The following LETMD1 variants were observed in gnomAD, a reference collection of about 807,000 sequenced individuals.
LETMD1 encodes the protein LETM1 domain-containing protein 1.
In LETMD1, 30 loss-of-function variants were observed where a neutral mutation model predicts 43.9. The ratio of observed to expected loss-of-function variants is 0.68; its 90% CI spans 0.51 to 0.93. The LOEUF (loss-of-function observed/expected upper bound fraction) is 0.93, where lower values mean the gene tolerates loss of function less well. LETMD1 is among the 40% of genes least tolerant of loss of function. The pLI, the probability that LETMD1 is intolerant of heterozygous loss-of-function variation, is 0.00. For missense variants in LETMD1, 413 were observed against 447.7 expected (o/e 0.92, Z 0.70); for synonymous variants, 176 against 163.1 (o/e 1.08, Z -0.60).
In LETMD1 at chr12:51,059,362, A is replaced by G; in HGVS notation, c.1014A>G (p.Glu338=). The part of the protein sequence containing the change: ...EWLQISCSLK[E]AELSLLLHNV... ...AAACCACTAACACTGTGTTTTCAGA[A>G]GCTGAGCTGTCTCTCTTGCTGCACA... The change falls in exon 9 of 9, where the codon GAA becomes GAG. Residue 338 remains glutamate, a splice_region_variant and synonymous_variant. Coordinates refer to ENST00000262055, the MANE Select transcript of LETMD1 (RefSeq NM_015416.5). 6.2e-7 allele frequency: 1 copy of G among 1,614,110 alleles called. No individual in the cohort carries two copies. The highest frequency in any genetic ancestry group is 8.5e-7 in the Non-Finnish European group (1 of 1,179,910).
chr12:51,068,540 C>G, the LETMD1 span, among the ~76,000 whole-genome samples: 1 of 152,182 alleles, frequency 6.6e-6, no homozygotes, highest in Non-Finnish European at 1.5e-5. Flanking sequence ...GATGGGAAAT[C>G]TTACGTACCA....
At chr12:51,048,314 A>G (rs775890253), upstream of LETMD1, 53 of 1,613,358 alleles carry the variant, frequency 3.3e-5, no homozygotes, top group Non-Finnish European at 4.2e-5. Flanking sequence ...GTTAACTTTG[A>G]CCCAAAGACA....
Position 51,059,671 on chromosome 12 carries a change from C to T in LETMD1, c.*240C>T. The T allele has an allele frequency of 1.9e-6, 1 of 515,348 alleles. No individual in the cohort carries two copies. The highest frequency in any genetic ancestry group is 2.1e-5 in the South Asian group (1 of 48,270). 31.9% of individuals were successfully genotyped at this position (515,348 alleles called of 1,614,324 possible). ...GTCCGTGTGAGGTGTCATCCTGTCC[C>T]CCTCATAATTACTAATAGCTGGAAC... On this transcript the variant is annotated 3_prime_UTR_variant, in exon 9 of 9. Transcript: ENST00000262055.
intron 7 of LETMD1, chr12:51,056,812 C>G (rs563433959): frequency 4.5e-6 from 1 of 220,862 alleles, no homozygotes; most frequent in East Asian, 1.2e-4. Flanking sequence ...ACCACCACGC[C>G]CAGCTAATTT....
At chr12:51,053,920 GAA>G in intron 4 of LETMD1, 60 bp downstream of exon 4, 1 of 1,136,136 alleles carries the variant, frequency 8.8e-7, no homozygotes, top group Non-Finnish European at 1.3e-6. Flanking sequence ...TTTAAATTAA[GAA>G]TTACTTTAAA....
intron 7 of LETMD1, chr12:51,056,733 C>T (rs989264204): frequency 3.7e-5 from 13 of 348,576 alleles, no homozygotes; most frequent in African/African-American, 2.4e-4. Flanking sequence ...TGGCTCACTG[C>T]AACCTCTGCC....
downstream of LETMD1, chr12:51,064,562 G>A: frequency 6.2e-7 from 1 of 1,612,892 alleles, no homozygotes; most frequent in African/African-American, 1.3e-5. Flanking sequence ...GCTTCATAAT[G>A]GTGTGGAGGT....
chr12:51,058,463 G>A, intron 8 of LETMD1: 1 of 244,830 alleles, frequency 4.1e-6, no homozygotes, highest in East Asian at 1.1e-4. Flanking sequence ...TTGTTGCCCA[G>A]GCTGGAGTGC....
At position 51,055,892 on chromosome 12, in the gene LETMD1, T is replaced by G; in HGVS notation, c.531T>G (p.Thr177=). ...ATTTCTGGACCCCAAAACAACAAAC[T>G]GATTTCTTAGATATCTATCATGCTT... ...IRHFWTPKQQ[T]DFLDIYHAFR... Residue 177 remains threonine, a synonymous_variant, in exon 5 of 9, where the codon ACT becomes ACG. Transcript: ENST00000262055. The G allele has an allele frequency of 1.9e-6, 3 of 1,614,048 alleles. No individual in the cohort carries two copies. The South Asian group carries it at 3.3e-5, about 18-fold the overall frequency.
At chr12:51,053,234 G>A (rs1466327779) in intron 3 of LETMD1, among the ~76,000 whole-genome samples, 1 of 152,196 alleles carries the variant, frequency 6.6e-6, no homozygotes, top group Non-Finnish European at 1.5e-5. Context: ...ATCAGGAAGA[G>A]TTCACTGAAG....
intron 1 of LETMD1, 183 bp downstream of exon 1, chr12:51,048,661 C>T (rs1945034662): frequency 2.8e-6 from 2 of 706,210 alleles, no homozygotes. Flanking sequence ...CCTCTGTACT[C>T]TCAGTGCCCC....
At chr12:51,056,268 T>G in intron 6 of LETMD1, 23 bp downstream of exon 6, 1 of 1,613,830 alleles carries the variant, frequency 6.2e-7, no homozygotes, top group South Asian at 1.1e-5. Flanking sequence ...AGGGCTTCTC[T>G]TTTCCATAGC....
chr12:51,066,047 C>T, the LETMD1 span, among the ~76,000 whole-genome samples: 842 of 152,300 alleles, frequency 5.5e-3, 3 homozygotes, highest in East Asian at 0.037. Context: ...GGGCCAGGCA[C>T]GGTGGCTCAT....
chr12:51,065,104 T>C (rs1003899261), downstream of LETMD1, among the ~76,000 whole-genome samples: 2 of 152,226 alleles, frequency 1.3e-5, no homozygotes, highest in African/African-American at 4.8e-5. Context: ...ACCAAGCCTA[T>C]GGCCTGCAAT....
rs369673939 is a variant in LETMD1 at position 51,055,384 on chromosome 12, G to T, written c.474-451G>T. Among the ~76,000 whole-genome samples, 11 of 152,162 alleles carry T rather than the reference G, an allele frequency of 7.2e-5. No homozygotes were observed. The East Asian group carries it at 1.5e-3, about 21-fold the overall frequency. Reference sequence around the variant, plus strand: ...GTCTGAGAGTCACTTAAGAGAAAGGGCTGACTGTAGTGGCTCTCACCAGTA... The same window carrying T: ...GTCTGAGAGTCACTTAAGAGAAAGGTCTGACTGTAGTGGCTCTCACCAGTA... On this transcript the variant is annotated intron_variant, in intron 4 of 8. Transcript: ENST00000262055.
At chr12:51,048,670 C>T in intron 1 of LETMD1, 192 bp downstream of exon 1, 3 of 693,398 alleles carry the variant, frequency 4.3e-6, no homozygotes, top group East Asian at 2.7e-5. Context: ...TCTCAGTGCC[C>T]CATATTGTCT....
In LETMD1 at chr12:51,058,119, A is replaced by G. The variant is rs749064097; in HGVS notation, c.1003A>G (p.Ser335Gly). Residue 335 changes from serine (S) to glycine (G), a missense_variant, in exon 8 of 9, where the codon AGC (serine) becomes GGC (glycine). Physicochemically the swap from Ser to Gly is moderately conservative, Grantham distance 56 (BLOSUM62 0). Transcript: ENST00000262055. ...GGGAGAATGGCTGCAGATTTCCTGC[A>G]GCCTGAAAGGTAAAACACATTTCTG... ...WLGEWLQISC[S>G]LKEAELSLLL... 3 of 1,602,656 alleles carry G rather than the reference A, an allele frequency of 1.9e-6. No individual in the cohort carries two copies. The highest frequency in any genetic ancestry group is 1.3e-5 in the African/African-American group (1 of 74,716).
At chr12:51,058,985 T>A (rs368566946) in intron 8 of LETMD1, 1 of 279,416 alleles carries the variant, frequency 3.6e-6, no homozygotes, top group Non-Finnish European at 7.0e-6. Context: ...GCCCCCTGTT[T>A]AGGCTAGGTC....
Position 51,055,945 on chromosome 12 carries a change from T to C in LETMD1, c.584T>C (p.Ile195Thr). The change falls in exon 5 of 9, where the codon ATT (isoleucine) becomes ACT (threonine). Residue 195 changes from isoleucine to threonine, a missense_variant. By Grantham distance (89) the Ile-to-Thr change is moderately conservative. Coordinates refer to ENST00000262055, the MANE Select transcript of LETMD1 (RefSeq NM_015416.5). Reference sequence around the variant, plus strand: ...CGGAAGCAGTCCCACCCAGAAATTATTAGTTATTTAGAAAAGGTCATCCCT... The same window carrying C: ...CGGAAGCAGTCCCACCCAGAAATTACTAGTTATTTAGAAAAGGTCATCCCT... ...AFRKQSHPEI[I>T]SYLEKVIPLI... 1 of 1,614,078 alleles carries C rather than the reference T, an allele frequency of 6.2e-7. No individual in the cohort carries two copies. The highest frequency in any genetic ancestry group is 1.3e-5 in the African/African-American group (1 of 75,036).
Sources: allele counts gnomAD v4.1 joint callset (sites outside exome capture counted in the v4.1 genomes callset), GRCh38; gene constraint gnomAD v4.1.1; transcripts MANE v1.5; gene names NCBI Gene and HGNC (gene_info 2026-07-23, HGNC 2026-07-21).